Variants in CNTN3 observed in about 807,000 individuals in gnomAD.
CNTN3 encodes the protein contactin 3.
A neutral mutation model predicts 119.1 loss-of-function variants in CNTN3; 60 were observed. That is an observed-to-expected ratio of 0.50 (90% CI 0.41 to 0.62). The LOEUF (loss-of-function observed/expected upper bound fraction) is 0.62, where lower values mean the gene tolerates loss of function less well. Ranked by LOEUF, CNTN3 falls within the 20% of genes least tolerant of loss-of-function variation. The pLI is 0.00. For missense variants in CNTN3, 1,101 were observed against 1,242.4 expected (o/e 0.89, Z 1.71); for synonymous variants, 450 against 438.7 (o/e 1.03, Z -0.32).
At chr3:74,555,393 G>T (rs969890426) in intron 1 of CNTN3, among the ~76,000 whole-genome samples, 2 of 152,116 alleles carry the variant, frequency 1.3e-5, no homozygotes, top group African/African-American at 4.8e-5. Context: ...TTGTGTATCT[G>T]TCAGGCTTTG....
intron 1 of CNTN3, among the ~76,000 whole-genome samples, chr3:74,550,820 G>C (rs1260869598): frequency 6.6e-6 from 1 of 152,128 alleles, no homozygotes; most frequent in Non-Finnish European, 1.5e-5. Context: ...AAGATTATAG[G>C]CATGAGCCAC....
intron 1 of CNTN3, among the ~76,000 whole-genome samples, chr3:74,591,188 T>G (rs560544168): frequency 6.6e-6 from 1 of 151,952 alleles, no homozygotes; most frequent in Admixed American, 6.6e-5. Flanking sequence ...TTGGTTTTTT[T>G]GAGGTCATGT....
At chr3:74,506,737 G>GAAAA (rs35051185) in intron 2 of CNTN3, among the ~76,000 whole-genome samples, 1 of 13,758 alleles carries the variant, frequency 7.3e-5, no homozygotes, top group Admixed American at 9.8e-4. Context: ...CCATTTATCT[G>GAAAA]AAAAAAAAAA....
chr3:74,539,061 AG>A (rs1703804236), intron 1 of CNTN3, among the ~76,000 whole-genome samples: 2 of 152,258 alleles, frequency 1.3e-5, no homozygotes, highest in Non-Finnish European at 2.9e-5. Flanking sequence ...TATTTTAAAA[AG>A]AAAGCCTCCC....
intron 5 of CNTN3, among the ~76,000 whole-genome samples, chr3:74,401,516 GCACA>G (rs139654677): frequency 8.6e-5 from 13 of 150,506 alleles, no homozygotes; most frequent in African/African-American, 2.2e-4. Flanking sequence ...ACGCGCGCAC[GCACA>G]CACACACACA....
intron 13 of CNTN3, among the ~76,000 whole-genome samples, chr3:74,324,337 G>A (rs187660495): frequency 9.2e-4 from 140 of 151,842 alleles, no homozygotes; most frequent in Admixed American, 2.1e-3. Context: ...TCAGCCTCCC[G>A]AGTAGCTGGG....
intron 3 of CNTN3, among the ~76,000 whole-genome samples, chr3:74,487,471 T>C (rs1432332810): frequency 1.3e-5 from 2 of 152,154 alleles, no homozygotes; most frequent in African/African-American, 2.4e-5. Flanking sequence ...CTGTAAATTG[T>C]AGCATATTAT....
At chr3:74,303,356 A>G (rs896185319) in intron 13 of CNTN3, among the ~76,000 whole-genome samples, 48 of 152,306 alleles carry the variant, frequency 3.2e-4, no homozygotes, top group African/African-American at 1.1e-3. Context: ...GCATGAAAGC[A>G]TGAACCCCTC....
chr3:74,501,270 C>A (rs1470860025), intron 2 of CNTN3, among the ~76,000 whole-genome samples: 1 of 151,970 alleles, frequency 6.6e-6, no homozygotes, highest in Non-Finnish European at 1.5e-5. Flanking sequence ...AGACTGAGCT[C>A]AACCACATGT....
At chr3:74,295,016 C>A in intron 19 of CNTN3, 105 bp downstream of exon 19, 1 of 678,258 alleles carries the variant, frequency 1.5e-6, no homozygotes. Context: ...AAAATTTCGG[C>A]CAAAGACAGA....
At chr3:74,486,854 G>A (rs1440785074) in intron 3 of CNTN3, among the ~76,000 whole-genome samples, 1 of 152,162 alleles carries the variant, frequency 6.6e-6, no homozygotes. Flanking sequence ...AGCAGTTAAA[G>A]TTTTTAAAGG....
chr3:74,578,145 T>C (rs551139661), intron 1 of CNTN3, among the ~76,000 whole-genome samples: 2 of 151,986 alleles, frequency 1.3e-5, no homozygotes, highest in African/African-American at 2.4e-5. Flanking sequence ...GAAATCCACA[T>C]TTTTGCTCAG....
intron 1 of CNTN3, among the ~76,000 whole-genome samples, chr3:74,610,402 G>A (rs1237722103): frequency 2.0e-5 from 3 of 152,028 alleles, no homozygotes; most frequent in East Asian, 1.9e-4. Flanking sequence ...TAGGCGTTAG[G>A]GCTGGACAGG....
intron 11 of CNTN3, among the ~76,000 whole-genome samples, chr3:74,346,482 G>A (rs1158027536): frequency 6.6e-6 from 1 of 152,018 alleles, no homozygotes; most frequent in African/African-American, 2.4e-5. Context: ...TCTGCATTAG[G>A]ACAGAATTGT....
intron 4 of CNTN3, among the ~76,000 whole-genome samples, chr3:74,466,999 A>C (rs1702473138): frequency 6.6e-6 from 1 of 152,126 alleles, no homozygotes; most frequent in African/African-American, 2.4e-5. Context: ...TAAATAACCA[A>C]AGTGATGATA....
At chr3:74,313,295 T>C (rs192715145) in intron 13 of CNTN3, among the ~76,000 whole-genome samples, 2 of 152,220 alleles carry the variant, frequency 1.3e-5, no homozygotes, top group South Asian at 2.1e-4. Context: ...ACTCTAATAA[T>C]GTCAGATACA....
At chr3:74,298,596 A>C (rs1354326200) in intron 17 of CNTN3, among the ~76,000 whole-genome samples, 1 of 138,756 alleles carries the variant, frequency 7.2e-6, no homozygotes, top group Non-Finnish European at 1.5e-5. Flanking sequence ...AATTAAGTAA[A>C]ACTGGAAAAA....
At chr3:74,355,360 C>T (rs890075393) in intron 11 of CNTN3, among the ~76,000 whole-genome samples, 1 of 152,054 alleles carries the variant, frequency 6.6e-6, no homozygotes, top group African/African-American at 2.4e-5. Flanking sequence ...GGCTGTAATA[C>T]TGTTTTGCTC....
chr3:74,421,790 T>C (rs921764411), intron 5 of CNTN3, among the ~76,000 whole-genome samples: 3 of 152,166 alleles, frequency 2.0e-5, no homozygotes, highest in African/African-American at 7.2e-5. Context: ...TGTACTGATA[T>C]ACCCCGGAGT....
Sources: allele counts gnomAD v4.1 joint callset (sites outside exome capture counted in the v4.1 genomes callset), GRCh38; gene constraint gnomAD v4.1.1; transcripts MANE v1.5; gene names NCBI Gene and HGNC (gene_info 2026-07-23, HGNC 2026-07-21).